PACRG: variants seen among roughly 807,000 people sequenced by gnomAD.
The protein encoded by PACRG is parkin coregulated gene protein.
PACRG carries 29 observed loss-of-function variants against 29.7 expected under a neutral mutation model. The observed-to-expected ratio is 0.98, with a 90% CI of 0.73 to 1.33. The LOEUF is 1.33. PACRG is among the 40% of genes most tolerant of loss of function. The pLI is 0.00. For missense variants in PACRG, 279 were observed against 316.2 expected, an observed-to-expected ratio of 0.88 and a Z score of 0.89; for synonymous variants, 116 against 118.7, an observed-to-expected ratio of 0.98 and a Z score of 0.15.
At chr6:163,202,440 T>A (rs1032835341) in intron 4 of PACRG, among the ~76,000 whole-genome samples, 1 of 152,152 alleles carries the variant, frequency 6.6e-6, no homozygotes, top group Admixed American at 6.5e-5. Context: ...TATGTGAGCA[T>A]GTATGAGCAT....
At chr6:162,763,888 T>C (rs1782571922) in intron 1 of PACRG, among the ~76,000 whole-genome samples, 1 of 152,142 alleles carries the variant, frequency 6.6e-6, no homozygotes, top group Admixed American at 6.5e-5. Context: ...ATCAAACAAA[T>C]CCTGGAATGT....
At chr6:163,035,135 C>T (rs1173162065) in intron 2 of PACRG, among the ~76,000 whole-genome samples, 2 of 152,166 alleles carry the variant, frequency 1.3e-5, no homozygotes, top group Non-Finnish European at 2.9e-5. Context: ...TTTTAGCCGG[C>T]TTCTTTACTG....
At chr6:163,126,021 A>C (rs2476468) in intron 4 of PACRG, among the ~76,000 whole-genome samples, 2 of 151,994 alleles carry the variant, frequency 1.3e-5, no homozygotes, top group Admixed American at 1.3e-4. Flanking sequence ...AGCTGTCTAC[A>C]TTTATCTGAC....
At chr6:162,808,966 T>G (rs1208182136) in intron 1 of PACRG, among the ~76,000 whole-genome samples, 1 of 151,962 alleles carries the variant, frequency 6.6e-6, no homozygotes, top group African/African-American at 2.4e-5. Flanking sequence ...ATCTGCATGG[T>G]TTCCAATAAT....
intron 4 of PACRG, among the ~76,000 whole-genome samples, chr6:163,150,761 G>T (rs1480696291): frequency 6.6e-6 from 1 of 152,214 alleles, no homozygotes; most frequent in Non-Finnish European, 1.5e-5. Context: ...GTGAAATCTG[G>T]ATCCAACAGT....
chr6:163,172,640 C>A (rs903471026), intron 4 of PACRG, among the ~76,000 whole-genome samples: 1 of 152,182 alleles, frequency 6.6e-6, no homozygotes, highest in African/African-American at 2.4e-5. Context: ...GAAACACATG[C>A]GAGAACTCAC....
At chr6:162,756,249 G>T (rs900020578) in intron 1 of PACRG, among the ~76,000 whole-genome samples, 16 of 152,046 alleles carry the variant, frequency 1.1e-4, no homozygotes, top group Non-Finnish European at 1.2e-4. Flanking sequence ...GCGTATTAAG[G>T]TCCTCTACTA....
chr6:162,952,437 C>G (rs1046248187), intron 2 of PACRG, among the ~76,000 whole-genome samples: 5 of 152,136 alleles, frequency 3.3e-5, no homozygotes, highest in African/African-American at 1.2e-4. Context: ...ACCACTTCAA[C>G]AAAACCTAAG....
intron 4 of PACRG, chr6:163,190,333 G>A (rs1780149451): frequency 6.6e-6 from 1 of 152,200 alleles, no homozygotes; most frequent in Non-Finnish European, 1.5e-5. Flanking sequence ...CAGTCGTAAA[G>A]AAAAGCCCAG....
chr6:163,206,442 T>C (rs1013430531), intron 4 of PACRG, among the ~76,000 whole-genome samples: 7 of 152,066 alleles, frequency 4.6e-5, no homozygotes, highest in African/African-American at 1.7e-4. Context: ...CTAAGCAAGC[T>C]AACACAGGAA....
intron 2 of PACRG, among the ~76,000 whole-genome samples, chr6:163,001,568 C>T (rs1253245047): frequency 6.6e-6 from 1 of 152,160 alleles, no homozygotes; most frequent in African/African-American, 2.4e-5. Context: ...TCTGATATGA[C>T]TCAAGTCTCT....
intron 1 of PACRG, among the ~76,000 whole-genome samples, chr6:162,743,062 G>A (rs561929264): frequency 5.9e-5 from 9 of 152,086 alleles, no homozygotes; most frequent in African/African-American, 1.9e-4. Flanking sequence ...TGATGATAAC[G>A]GTTCTAACAA....
chr6:163,123,518 C>T (rs967061520), intron 4 of PACRG, among the ~76,000 whole-genome samples: 1 of 152,166 alleles, frequency 6.6e-6, no homozygotes, highest in Non-Finnish European at 1.5e-5. Flanking sequence ...TTAATAACTC[C>T]TATATTACTA....
intron 4 of PACRG, among the ~76,000 whole-genome samples, chr6:163,188,292 T>A (rs1780048605): frequency 6.6e-6 from 1 of 152,232 alleles, no homozygotes; most frequent in Non-Finnish European, 1.5e-5. Context: ...CAGTATCAAA[T>A]TCATTTGCTA....
At chr6:162,972,265 C>G (rs997554748) in intron 2 of PACRG, among the ~76,000 whole-genome samples, 11 of 152,282 alleles carry the variant, frequency 7.2e-5, no homozygotes, top group African/African-American at 2.6e-4. Context: ...TCCTCTGACT[C>G]CTATGGACCA....
intron 1 of PACRG, among the ~76,000 whole-genome samples, chr6:162,789,669 CTT>C (rs968990904): frequency 9.2e-5 from 14 of 152,200 alleles, no homozygotes; most frequent in African/African-American, 3.1e-4. Context: ...ACATATATGA[CTT>C]TAATTATCTT....
chr6:163,264,530 G>A (rs935454885), intron 4 of PACRG, among the ~76,000 whole-genome samples: 3 of 152,216 alleles, frequency 2.0e-5, no homozygotes, highest in Non-Finnish European at 2.9e-5. Context: ...GTTCAAGGGC[G>A]ACAGAGCGGT....
At chr6:162,858,182 T>C (rs1791561693) in intron 2 of PACRG, among the ~76,000 whole-genome samples, 2 of 151,400 alleles carry the variant, frequency 1.3e-5, no homozygotes, top group African/African-American at 4.9e-5. Flanking sequence ...AACAAAAGAG[T>C]TTTAATTTAC....
intron 1 of PACRG, among the ~76,000 whole-genome samples, chr6:162,753,336 A>C (rs944198520): frequency 6.6e-6 from 1 of 151,998 alleles, no homozygotes; most frequent in Non-Finnish European, 1.5e-5. Flanking sequence ...AGTCTACATA[A>C]ACCTGAGAGC....
Sources: allele counts gnomAD v4.1 joint callset (sites outside exome capture counted in the v4.1 genomes callset), GRCh38; gene constraint gnomAD v4.1.1; transcripts MANE v1.5; gene names NCBI Gene and HGNC (gene_info 2026-07-23, HGNC 2026-07-21).